The following FSTL5 variants were observed in gnomAD, a reference collection of about 807,000 sequenced individuals.
FSTL5 encodes follistatin-related protein 5.
In FSTL5, 62 loss-of-function variants were observed where a neutral mutation model predicts 89.1. That is an observed-to-expected ratio of 0.70 (90% confidence interval 0.57 to 0.86). The LOEUF (loss-of-function observed/expected upper bound fraction) is 0.86, where lower values mean the gene tolerates loss of function less well. Ranked by LOEUF, FSTL5 falls within the 40% of genes least tolerant of loss-of-function variation. The pLI is 0.00. For synonymous variants in FSTL5, 383 were observed against 346.2 expected (o/e 1.11, Z -1.18); for missense variants, 1,057 against 1,001.6 (o/e 1.06, Z -0.75).
At chr4:162,127,419 A>G (rs1223232995) in intron 1 of FSTL5, among the ~76,000 whole-genome samples, 3 of 152,208 alleles carry the variant, frequency 2.0e-5, no homozygotes, top group Non-Finnish European at 4.4e-5. Context: ...ATCTGTATCT[A>G]TTAGACCTGC....
intron 14 of FSTL5, among the ~76,000 whole-genome samples, chr4:161,458,080 A>C (rs1733428674): frequency 6.6e-6 from 1 of 152,196 alleles, no homozygotes; most frequent in African/African-American, 2.4e-5. Flanking sequence ...GACACAAGGC[A>C]CCCAGCTGAG....
intron 4 of FSTL5, among the ~76,000 whole-genome samples, chr4:161,883,720 A>T (rs1732709740): frequency 6.6e-6 from 1 of 152,214 alleles, no homozygotes; most frequent in Non-Finnish European, 1.5e-5. Context: ...GCCAGTAAGT[A>T]AAGGAAAATA....
At chr4:161,594,121 G>T (rs536361807) in intron 7 of FSTL5, among the ~76,000 whole-genome samples, 3 of 152,022 alleles carry the variant, frequency 2.0e-5, no homozygotes, top group African/African-American at 7.2e-5. Context: ...AAAAATAACA[G>T]CAAGATATCT....
intron 6 of FSTL5, among the ~76,000 whole-genome samples, chr4:161,688,638 A>G (rs890639346): frequency 7.9e-5 from 12 of 152,348 alleles, no homozygotes; most frequent in African/African-American, 2.9e-4. Flanking sequence ...TCTCATTTAT[A>G]GAAATATTAC....
intron 4 of FSTL5, among the ~76,000 whole-genome samples, chr4:161,832,632 T>C (rs1419729174): frequency 1.3e-5 from 2 of 152,212 alleles, no homozygotes; most frequent in African/African-American, 2.4e-5. Flanking sequence ...TCGAGGAATT[T>C]ATCCATTTCT....
At chr4:161,455,274 A>G (rs1220773028) in intron 14 of FSTL5, 146 bp from the exon 15 acceptor site, 1 of 499,574 alleles carries the variant, frequency 2.0e-6, no homozygotes, top group African/African-American at 2.0e-5. Context: ...ATTATTACAC[A>G]AATTACAATT....
intron 2 of FSTL5, among the ~76,000 whole-genome samples, chr4:162,043,717 C>G (rs1738062405): frequency 6.6e-6 from 1 of 152,168 alleles, no homozygotes; most frequent in Non-Finnish European, 1.5e-5. Flanking sequence ...CAAAGCCTGC[C>G]ACTGCTTTAT....
chr4:161,744,896 G>A (rs1217012256), intron 6 of FSTL5, among the ~76,000 whole-genome samples: 1 of 151,942 alleles, frequency 6.6e-6, no homozygotes, highest in Non-Finnish European at 1.5e-5. Flanking sequence ...TTCAGTAGCT[G>A]TCTATGCATT....
chr4:161,714,719 T>A (rs1738916775), intron 6 of FSTL5, among the ~76,000 whole-genome samples: 1 of 152,288 alleles, frequency 6.6e-6, no homozygotes, highest in Non-Finnish European at 1.5e-5. Flanking sequence ...TTAAAGGATT[T>A]TTTTACATAC....
At chr4:161,687,107 C>T (rs1011986721) in intron 6 of FSTL5, among the ~76,000 whole-genome samples, 3 of 151,986 alleles carry the variant, frequency 2.0e-5, no homozygotes, top group Non-Finnish European at 4.4e-5. Flanking sequence ...ATTTAAAATA[C>T]AAGATTTAAA....
chr4:161,671,905 G>A (rs1737126771), intron 6 of FSTL5, among the ~76,000 whole-genome samples: 2 of 152,088 alleles, frequency 1.3e-5, no homozygotes, highest in South Asian at 4.1e-4. Flanking sequence ...CTTAACATCC[G>A]ATCAAAATAC....
chr4:161,688,450 G>A (rs191220389), intron 6 of FSTL5, among the ~76,000 whole-genome samples: 4 of 152,214 alleles, frequency 2.6e-5, no homozygotes, highest in Admixed American at 6.5e-5. Context: ...TTCTCTAAAG[G>A]CTTGGCATTA....
chr4:161,459,070 CT>C, intron 14 of FSTL5, 141 bp downstream of exon 14: 1 of 562,202 alleles, frequency 1.8e-6, no homozygotes. Flanking sequence ...ACTTTTTTGC[CT>C]TTTTCTGTGC....
intron 8 of FSTL5, among the ~76,000 whole-genome samples, chr4:161,559,710 A>T (rs550025435): frequency 6.6e-6 from 1 of 151,998 alleles, no homozygotes; most frequent in South Asian, 2.1e-4. Context: ...AATTATGCAT[A>T]ATATATATAT....
intron 4 of FSTL5, among the ~76,000 whole-genome samples, chr4:161,910,750 T>A (rs1459383549): frequency 6.6e-6 from 1 of 152,190 alleles, no homozygotes; most frequent in African/African-American, 2.4e-5. Flanking sequence ...GCTTGCTTCT[T>A]CATACTAATG....
At chr4:161,721,979 G>A (rs1286841313) in intron 6 of FSTL5, among the ~76,000 whole-genome samples, 2 of 151,994 alleles carry the variant, frequency 1.3e-5, no homozygotes, top group African/African-American at 4.8e-5. Flanking sequence ...GCTATCTAGT[G>A]AATTAAATTA....
At chr4:161,646,453 T>C (rs116308502) in intron 7 of FSTL5, among the ~76,000 whole-genome samples, 3,033 of 151,880 alleles carry the variant, frequency 0.02, 77 homozygotes, top group South Asian at 0.13. Flanking sequence ...ATTTGAAGTA[T>C]AGTACATATT....
intron 8 of FSTL5, among the ~76,000 whole-genome samples, chr4:161,583,894 A>T (rs572366910): frequency 2.0e-5 from 3 of 152,114 alleles, no homozygotes; most frequent in African/African-American, 7.2e-5. Flanking sequence ...CACATTTATC[A>T]TGTCCTCTCT....
At chr4:161,522,627 T>A (rs951236246) in intron 10 of FSTL5, among the ~76,000 whole-genome samples, 2 of 151,496 alleles carry the variant, frequency 1.3e-5, no homozygotes, top group African/African-American at 4.8e-5. Flanking sequence ...TACAAGATAG[T>A]CAGCAAAGAA....
Sources: gnomAD v4.1 joint callset for allele counts (sites outside exome capture counted in the v4.1 genomes callset) on GRCh38, gnomAD v4.1.1 for gene constraint, MANE v1.5 for transcripts, NCBI Gene and HGNC (gene_info 2026-07-23, HGNC 2026-07-21) for gene names.